C4orf51: variants seen among roughly 807,000 people sequenced by gnomAD.
C4orf51 encodes chromosome 4 open reading frame 51.
In C4orf51, 25 loss-of-function variants were observed where a neutral mutation model predicts 25.2. That is an observed-to-expected ratio of 0.99 (90% CI 0.72 to 1.39). C4orf51 has a LOEUF of 1.39. Among genes scored for constraint, C4orf51 ranks in the 40% most tolerant of loss-of-function variants. The pLI is 0.00. For synonymous variants in C4orf51, 100 were observed against 84.5 expected (o/e 1.18, Z -1.01); for missense variants, 252 against 239.6 (o/e 1.05, Z -0.34).
chr4:145,715,348 A>G (rs573772545), intron 2 of C4orf51, among the ~76,000 whole-genome samples: 4 of 151,968 alleles, frequency 2.6e-5, no homozygotes, highest in Non-Finnish European at 5.9e-5. Flanking sequence ...TCACCTCAGT[A>G]TTTTCTGTGG....
At position 145,742,350 on chromosome 4, in the gene C4orf51, G is replaced by A. The variant is rs140197838; in HGVS notation, n.167+9731G>A. On this transcript the variant is annotated intron_variant and non_coding_transcript_variant, in intron 1 of 1. Transcript: ENST00000508981. The stretch of plus-strand genomic sequence containing the variant: ...TCCTCCATTAAAGCCATCTCCTAAG[G>A]TTCTGTCATTGGTGCCTTTGTTTTT... Among the ~76,000 whole-genome samples the A allele has an allele frequency of 2.0e-5, 3 of 152,076 alleles. No homozygotes were observed. The East Asian group carries it at 5.8e-4, about 29-fold the overall frequency.
chr4:145,792,038 T>C, the C4orf51 span, among the ~76,000 whole-genome samples: 1 of 152,224 alleles, frequency 6.6e-6, no homozygotes, highest in Non-Finnish European at 1.5e-5. Flanking sequence ...TATGACAAAG[T>C]AGATAAAGGC....
At chr4:145,690,945 A>AC (rs1202905434) in intron 1 of C4orf51, among the ~76,000 whole-genome samples, 3 of 150,974 alleles carry the variant, frequency 2.0e-5, no homozygotes, top group Non-Finnish European at 4.4e-5. Flanking sequence ...CCCCGCTCCC[A>AC]CCCCCCACAA....
Position 145,765,140 on chromosome 4 carries a change from A to G in C4orf51, n.167-5848A>G. ...CAAACATGTTCTTCGTCTTGCAGACAAAGTTGCAAAAAACACATTCGAACC... is the reference window on the plus strand; with the variant it reads ...CAAACATGTTCTTCGTCTTGCAGACGAAGTTGCAAAAAACACATTCGAACC... On this transcript the variant is annotated intron_variant and non_coding_transcript_variant, in intron 1 of 1. Coordinates refer to the C4orf51 transcript ENST00000510096. This position sits in a 1 kb window ranked among gnomAD's most constrained non-coding sequence, Gnocchi z 4.7. The G allele has an allele frequency of 1.9e-6, 3 of 1,612,938 alleles. No homozygotes were observed. The highest frequency in any genetic ancestry group is 2.5e-6 in the Non-Finnish European group (3 of 1,179,404).
At chr4:145,742,980 T>C (rs1423592842) in intron 1 of C4orf51, among the ~76,000 whole-genome samples, 1 of 152,180 alleles carries the variant, frequency 6.6e-6, no homozygotes, top group Non-Finnish European at 1.5e-5. Flanking sequence ...AGCTCTTTGA[T>C]GGATTAACTA....
At chr4:145,750,123 T>G (rs1733592595) in intron 1 of C4orf51, among the ~76,000 whole-genome samples, 1 of 152,216 alleles carries the variant, frequency 6.6e-6, no homozygotes, top group African/African-American at 2.4e-5. Flanking sequence ...TTTAATTGGT[T>G]CATCTTTTAG....
At chr4:145,700,043 C>T (rs2126700454) in intron 2 of C4orf51, among the ~76,000 whole-genome samples, 1 of 151,940 alleles carries the variant, frequency 6.6e-6, no homozygotes, top group East Asian at 1.9e-4. Flanking sequence ...CCTCTTATCT[C>T]TGTGCCCCAA....
chr4:145,736,312 T>C (rs182621736), downstream of C4orf51, among the ~76,000 whole-genome samples: 1 of 151,960 alleles, frequency 6.6e-6, no homozygotes, highest in African/African-American at 2.4e-5. Flanking sequence ...GAGTGACGAA[T>C]GCAGAAGGAT....
chr4:145,714,062 C>T (rs888577392), intron 2 of C4orf51, among the ~76,000 whole-genome samples: 2 of 152,162 alleles, frequency 1.3e-5, no homozygotes, highest in African/African-American at 2.4e-5. Context: ...GGATTACAGG[C>T]GTGATCTACT....
At chr4:145,756,853 A>T (rs1733984587), downstream of C4orf51, among the ~76,000 whole-genome samples, 1 of 152,210 alleles carries the variant, frequency 6.6e-6, no homozygotes, top group Non-Finnish European at 1.5e-5. Context: ...CTTCTCCTAC[A>T]TTATCTCATT....
chr4:145,733,161 C>T (rs189030082), downstream of C4orf51, among the ~76,000 whole-genome samples: 1,715 of 152,148 alleles, frequency 0.011, 41 homozygotes, highest in African/African-American at 0.038. Flanking sequence ...GCCCACCCGC[C>T]GCCTGCCCCT....
At chr4:145,683,015 T>A (rs28573829) in intron 1 of C4orf51, among the ~76,000 whole-genome samples, 86,325 of 151,536 alleles carry the variant, frequency 0.57, 25,800 homozygotes, top group African/African-American at 0.76. Flanking sequence ...AAAAAAATTT[T>A]AAAAAAAAAT....
chr4:145,681,294 A>T (rs1447298628), intron 1 of C4orf51, among the ~76,000 whole-genome samples: 2 of 152,238 alleles, frequency 1.3e-5, no homozygotes, highest in Non-Finnish European at 2.9e-5. Context: ...AACTTCAGAT[A>T]AGAGCAATAA....
chr4:145,733,941 T>G (rs1055408423), downstream of C4orf51, among the ~76,000 whole-genome samples: 1 of 152,252 alleles, frequency 6.6e-6, no homozygotes, highest in African/African-American at 2.4e-5. Context: ...TCTTGGCTTT[T>G]CCTAGTCCAA....
At chr4:145,693,528 G>C (rs1010532523) in intron 1 of C4orf51, among the ~76,000 whole-genome samples, 6 of 151,930 alleles carry the variant, frequency 3.9e-5, no homozygotes, top group Admixed American at 3.9e-4. Flanking sequence ...ATCCTGGCCC[G>C]TTCTCAATGA....
At chr4:145,680,859 G>T (rs137864431) in intron 1 of C4orf51, among the ~76,000 whole-genome samples, 327 of 152,202 alleles carry the variant, frequency 2.1e-3, no homozygotes, top group African/African-American at 7.7e-3. Context: ...TGCATTTTCT[G>T]AGTGTTTTCT....
the C4orf51 span, among the ~76,000 whole-genome samples, chr4:145,788,618 T>C: frequency 8.5e-5 from 13 of 152,176 alleles, no homozygotes; most frequent in Non-Finnish European, 1.9e-4. Flanking sequence ...ATCAGGACTG[T>C]TGTACTGAAC....
intron 1 of C4orf51, among the ~76,000 whole-genome samples, chr4:145,741,685 TTTTTC>T (rs1189551585): frequency 1.3e-5 from 2 of 152,024 alleles, no homozygotes; most frequent in African/African-American, 2.4e-5. Context: ...TAACTTTCTT[TTTTTC>T]TTTTCTTTTC....
At chr4:145,683,693 A>G (rs1162276126) in intron 1 of C4orf51, among the ~76,000 whole-genome samples, 1 of 152,248 alleles carries the variant, frequency 6.6e-6, no homozygotes, top group Non-Finnish European at 1.5e-5. Flanking sequence ...AGACATCCAC[A>G]TGCCAAAAAA....
Sources: gnomAD v4.1 joint callset for allele counts (sites outside exome capture counted in the v4.1 genomes callset) on GRCh38, gnomAD v4.1.1 for gene constraint, Gnocchi (gnomAD v3.1) non-coding constraint, MANE v1.5 for transcripts, NCBI Gene and HGNC (gene_info 2026-07-23, HGNC 2026-07-21) for gene names.